Variants in TTN observed in about 807,000 individuals in gnomAD.
TTN encodes the protein connectin.
Under a neutral mutation model 3,223.0 loss-of-function variants are expected in TTN, and 1,525 were observed. The observed-to-expected ratio is 0.47, with a 90% CI of 0.45 to 0.49. The LOEUF is 0.49. Among genes scored for constraint, TTN ranks in the 20% least tolerant of loss-of-function variants. The probability of loss-of-function intolerance (pLI) is 0.00; values close to 1 mark genes in which losing one functional copy is unlikely to be tolerated. For missense variants in TTN, 40,786 were observed against 43,424.0 expected, an observed-to-expected ratio of 0.94 and a Z score of 5.40; for synonymous variants, 14,094 against 15,161.0, an observed-to-expected ratio of 0.93 and a Z score of 5.17.
In TTN at chr2:178,704,315, A is replaced by G. The variant is rs754368714; in HGVS notation, c.30055T>C (p.Ser10019Pro). Residue 10019 changes from serine to proline, a missense_variant, in exon 106 of 363, where the codon TCT becomes CCT. Transcript: ENST00000589042. ...ATTCTGCCATTTCTGAACCATTCAG[A>G]TTTTACATTTGGTACAGAAAATTGG... The part of the protein sequence containing the change: ...TCQFSVPNVK[S>P]EWFRNGRILK... The G allele has an allele frequency of 6.2e-7, 1 of 1,613,936 alleles. No individual in the cohort carries two copies. The highest frequency in any genetic ancestry group is 1.1e-5 in the South Asian group (1 of 91,078).
In TTN at chr2:178,607,879, C is replaced by T; in HGVS notation, c.52908G>A (p.Glu17636=). ...VRQYTVKEIR[E]GADYKLRVSA... ...TCACCCGAAGTTTGTAATCAGCACC[C>T]TCTCGGATTTCTTTGACGGTGTACT... Residue 17636 remains glutamate, a synonymous_variant, in exon 276 of 363, where the codon GAG becomes GAA. Coordinates refer to ENST00000589042, the MANE Select transcript of TTN (RefSeq NM_001267550.2). 6.2e-7 allele frequency: 1 copy of T among 1,613,030 alleles called. No individual in the cohort carries two copies. Among genetic ancestry groups the T allele is most frequent in the South Asian group, 1.1e-5 (1 of 91,064 alleles).
In TTN at chr2:178,720,604, T is replaced by C. The variant is rs757989250; in HGVS notation, c.23158A>G (p.Ile7720Val). The stretch of plus-strand genomic sequence containing the variant: ...GTTCCCGAAATTTCACATTGGAGAA[T>C]CACATCAGAACCTTTAAGAGCTCCT... ...PVGALKGSDV[I>V]LQCEISGTPP... Residue 7720 changes from isoleucine (I) to valine (V), a missense_variant, in exon 80 of 363, where the codon ATT becomes GTT. Transcript: ENST00000589042. The C allele has an allele frequency of 1.9e-6, 3 of 1,613,180 alleles. No individual in the cohort carries two copies. Among genetic ancestry groups the C allele is most frequent in the South Asian group, 2.2e-5 (2 of 91,026 alleles).
At position 178,654,205 on chromosome 2, in the gene TTN, T is replaced by C; in HGVS notation, c.38380+3A>G. The C allele has an allele frequency of 6.3e-7, 1 of 1,595,096 alleles. No homozygotes were observed. On this transcript the variant is annotated splice_donor_region_variant and intron_variant, in intron 193 of 362. Coordinates refer to ENST00000589042, the MANE Select transcript of TTN (RefSeq NM_001267550.2). ...TTCTTAGCAGAGGAGAGGGAATAAA[T>C]ACCTTTTGCACGTGGGGCTTCCGGT... is the stretch of plus-strand genomic sequence containing the variant.
rs727504922 is a variant in TTN at position 178,645,911 on chromosome 2, AT to A, written c.40408+8del. On this transcript the variant is annotated splice_region_variant and intron_variant, in intron 217 of 362. Transcript: ENST00000589042. ...AGGCTAATAAAACTTTGGAAGTGGC[AT>A]TTTTTACCTTTAAGTTGGAATATTT... 2.5e-4 allele frequency: 381 copies of A among 1,531,222 alleles called. 1 individual carries two copies. The Middle Eastern group carries it at 6.4e-3, about 26-fold the overall frequency. 94.9% of individuals were successfully genotyped at this position (1,531,222 alleles called of 1,614,324 possible).
rs776932740 is a variant in TTN, at chr2:178,725,366, A to G, written c.20836+2T>C. ...GTTTCTATCGTGGGCTATTGTACCA[A>G]CCTAAGACCATCAGTGTGGCCATGT... is the stretch of plus-strand genomic sequence containing the variant. On this transcript the variant is annotated splice_donor_variant, in intron 71 of 362. Transcript: ENST00000589042. LOFTEE classifies it high-confidence loss of function. 3 of 1,550,596 alleles carry G rather than the reference A, an allele frequency of 1.9e-6. No homozygotes were observed. Among genetic ancestry groups the G allele is most frequent in the South Asian group, 1.3e-5 (1 of 79,612 alleles).
chr2:178,645,695 G>T, intron 217 of TTN: 1 of 345,254 alleles, frequency 2.9e-6, no homozygotes, highest in Non-Finnish European at 5.2e-6. Context: ...TATCCCGGAT[G>T]ACGCTATCAA....
intron 336 of TTN, 166 bp from the exon 337 acceptor site, chr2:178,550,439 A>G: frequency 5.1e-6 from 3 of 593,258 alleles, no homozygotes; most frequent in Non-Finnish European, 8.6e-6. Context: ...AATTTGGACT[A>G]TGGGGTTAAA....
chr2:178,766,465 T>A lies in TTN; in HGVS notation c.9619A>T (p.Ile3207Phe). 1 of 1,614,178 alleles carries A rather than the reference T, an allele frequency of 6.2e-7. No homozygotes were observed. ...VVERRIHRMFISETRQSDAGE... is the reference protein window; with the variant it reads ...VVERRIHRMFFSETRQSDAGE... The stretch of plus-strand genomic sequence containing the variant: ...GCATCGCTCTGTCTGGTCTCAGAGA[T>A]AAACATTCGGTGGATTCTTCTTTCC... Residue 3207 changes from isoleucine to phenylalanine, a missense_variant, in exon 41 of 363, where the codon ATC becomes TTC. Physicochemically the swap from Ile to Phe is conservative, Grantham distance 21. Coordinates refer to ENST00000589042, the MANE Select transcript of TTN (RefSeq NM_001267550.2).
At position 178,592,023 on chromosome 2, in the gene TTN, G is replaced by T; in HGVS notation, c.59881C>A (p.Pro19961Thr). 1 of 1,613,054 alleles carries T rather than the reference G, an allele frequency of 6.2e-7. No individual in the cohort carries two copies. Among genetic ancestry groups the T allele is most frequent in the South Asian group, 1.1e-5 (1 of 91,016 alleles). The change falls in exon 302 of 363, where the codon CCT (proline) becomes ACT (threonine). Residue 19961 changes from proline to threonine, a missense_variant. By Grantham distance (38) the Pro-to-Thr change is conservative. Transcript: ENST00000589042. The stretch of plus-strand genomic sequence containing the variant: ...ATTGGTTTTGGTGTTTCAACAAAAG[G>T]ACCACGTCCATACTGGTTCTCCGCA... Reference protein sequence around the residue: ...VAAENQYGRGPFVETPKPIKA... With the variant: ...VAAENQYGRGTFVETPKPIKA...
In TTN at chr2:178,677,304, T is replaced by A. The variant is rs2154268297; in HGVS notation, c.34292-17A>T. On this transcript the variant is annotated splice_polypyrimidine_tract_variant and intron_variant, in intron 146 of 362. Transcript: ENST00000589042. ...CTTCAGGCACTTAAAAACATTTCATTTGAAGGCATTAAAAACCACATATAC... is the reference window on the plus strand; with the variant it reads ...CTTCAGGCACTTAAAAACATTTCATATGAAGGCATTAAAAACCACATATAC... 8.8e-7 allele frequency: 1 copy of A among 1,142,382 alleles called. No homozygotes were observed. Among genetic ancestry groups the A allele is most frequent in the East Asian group, 4.6e-5 (1 of 21,596 alleles). The allele number at this position is 1,142,382 out of a possible 1,614,324, so 70.8% of individuals were successfully genotyped here.
rs781709431 is a variant in TTN at position 178,532,926 on chromosome 2, C to T, written c.103689G>A (p.Val34563=). 1 of 1,613,946 alleles carries T rather than the reference C, an allele frequency of 6.2e-7. No homozygotes were observed. Among genetic ancestry groups the T allele is most frequent in the South Asian group, 1.1e-5 (1 of 91,078 alleles). The change falls in exon 358 of 363, where the codon GTG becomes GTA. Residue 34563 remains valine, a synonymous_variant. Transcript: ENST00000589042. ...TATACCACTTCATGTCAGACATGGG[C>T]ACGAACTGCTTGATGCGTTGGTCTT... is the stretch of plus-strand genomic sequence containing the variant. The part of the protein sequence containing the change: ...IEEDQRIKQF[V]PMSDMKWYKK...
At position 178,756,691 on chromosome 2, in the gene TTN, T is replaced by C. The variant is rs759921204; in HGVS notation, c.10785A>G (p.Gln3595=). 6.2e-7 allele frequency: 1 copy of C among 1,613,868 alleles called. No homozygotes were observed. Among genetic ancestry groups the C allele is most frequent in the Non-Finnish European group, 8.5e-7 (1 of 1,179,816 alleles). ...ATCCTTGAAATGACTTAATTTCCTT[T>C]TGAGATATTTTGCTCTCCTCCTTTG... ...SFTKEESKIS[Q]KEIKSFQGSS... is the part of the protein sequence containing the mutation. Residue 3595 remains glutamine, a synonymous_variant, in exon 46 of 363, where the codon CAA becomes CAG. Coordinates refer to ENST00000589042, the MANE Select transcript of TTN (RefSeq NM_001267550.2).
chr2:178,767,733 C>T, intron 40 of TTN, 26 bp downstream of exon 40: 1 of 1,612,530 alleles, frequency 6.2e-7, no homozygotes, highest in Non-Finnish European at 8.5e-7. Flanking sequence ...GATGATTTTT[C>T]AAAACATTTA....
chr2:178,557,766 C>A lies in TTN; in HGVS notation c.87588G>T (p.Met29196Ile). The A allele has an allele frequency of 6.2e-7, 1 of 1,613,964 alleles. No individual in the cohort carries two copies. Among genetic ancestry groups the A allele is most frequent in the Non-Finnish European group, 8.5e-7 (1 of 1,179,852 alleles). ...CTGTGGTCAGTTTCATGACTTTCATCATGGTTCTTGCAACTGTTGCAGACA... is the reference window on the plus strand; with the variant it reads ...CTGTGGTCAGTTTCATGACTTTCATAATGGTTCTTGCAACTGTTGCAGACA... ...TEVSATVART[M>I]MKVMKLTTGE... The change falls in exon 328 of 363, where the codon ATG becomes ATT. Residue 29196 changes from methionine (M) to isoleucine (I), a missense_variant. Physicochemically the swap from Met to Ile is conservative, Grantham distance 10. Coordinates refer to ENST00000589042, the MANE Select transcript of TTN (RefSeq NM_001267550.2).
chr2:178,540,814 A>T (rs1045481276), intron 350 of TTN, among the ~76,000 whole-genome samples: 1 of 152,146 alleles, frequency 6.6e-6, no homozygotes, highest in Non-Finnish European at 1.5e-5. Flanking sequence ...ACAAAAAAAC[A>T]AAAGAAAGAA....
intron 321 of TTN, 33 bp from the exon 322 acceptor site, chr2:178,578,218 A>G: frequency 6.4e-7 from 1 of 1,570,176 alleles, no homozygotes; most frequent in Non-Finnish European, 8.6e-7. Flanking sequence ...TCAAGTATAA[A>G]TGCAGCTTGA....
chr2:178,619,929 T>TTGA (rs764611265), intron 249 of TTN, 42 bp from the exon 250 acceptor site: 2 of 1,597,678 alleles, frequency 1.3e-6, no homozygotes, highest in Admixed American at 3.6e-5. Context: ...TGTTTACATT[T>TTGA]TGATTAACAA....
rs780721181 is a variant in TTN, at chr2:178,728,260, A to G, written c.19564T>C (p.Ser6522Pro). 1 of 1,613,296 alleles carries G rather than the reference A, an allele frequency of 6.2e-7. No homozygotes were observed. The highest frequency in any genetic ancestry group is 1.1e-5 in the South Asian group (1 of 91,064). ...AQWFKDGKEI[S>P]TSAKYRLVCH... Reference sequence around the variant, plus strand: ...ACAAGTCTGTATTTTGCACTTGTAGATATTTCTTTTCCATCCTTAAACCAC... The same window carrying G: ...ACAAGTCTGTATTTTGCACTTGTAGGTATTTCTTTTCCATCCTTAAACCAC... Residue 6522 changes from serine to proline, a missense_variant, in exon 67 of 363, where the codon TCT becomes CCT. Transcript: ENST00000589042.
At chr2:178,538,339 C>T (rs1692654123) in intron 354 of TTN, 1 of 539,028 alleles carries the variant, frequency 1.9e-6, no homozygotes, top group African/African-American at 1.9e-5. Context: ...GCTCAGTTCA[C>T]TCCATCTAAC....
Sources: gnomAD v4.1 joint callset for allele counts (sites outside exome capture counted in the v4.1 genomes callset) on GRCh38, gnomAD v4.1.1 for gene constraint, MANE v1.5 for transcripts, NCBI Gene and HGNC (gene_info 2026-07-23, HGNC 2026-07-21) for gene names.